The following PHF3 variants were observed in gnomAD, a reference collection of about 807,000 sequenced individuals.
PHF3 encodes PHD finger protein 3.
PHF3 carries 41 observed loss-of-function variants against 178.4 expected under a neutral mutation model. That is an observed-to-expected ratio of 0.23 (90% CI 0.18 to 0.30). The LOEUF (loss-of-function observed/expected upper bound fraction) is 0.30, where lower values mean the gene tolerates loss of function less well. Ranked by LOEUF, PHF3 falls within the 10% of genes least tolerant of loss-of-function variation. PHF3 has a pLI of 1.00. For missense variants in PHF3, 2,346 were observed against 2,398.1 expected, an observed-to-expected ratio of 0.98 and a Z score of 0.45; for synonymous variants, 842 against 800.5, an observed-to-expected ratio of 1.05 and a Z score of -0.88.
chr6:63,649,763 C>G (rs1370052682), intron 2 of PHF3, among the ~76,000 whole-genome samples: 2 of 152,180 alleles, frequency 1.3e-5, no homozygotes, highest in Non-Finnish European at 2.9e-5. Context: ...ATTACTTCAT[C>G]TAATTGTAGT....
At chr6:63,699,650 G>C (rs1767388469) in intron 8 of PHF3, among the ~76,000 whole-genome samples, 1 of 152,028 alleles carries the variant, frequency 6.6e-6, no homozygotes, top group African/African-American at 2.4e-5. Context: ...GGAGTGCAGT[G>C]GCGCCATCTC....
chr6:63,660,916 A>G (rs925557795), intron 2 of PHF3, among the ~76,000 whole-genome samples: 7 of 152,204 alleles, frequency 4.6e-5, no homozygotes. Flanking sequence ...GCATCTGTAT[A>G]GGCATATCTG....
At chr6:63,660,577 A>T (rs1462613301) in intron 2 of PHF3, among the ~76,000 whole-genome samples, 1 of 152,148 alleles carries the variant, frequency 6.6e-6, no homozygotes, top group Non-Finnish European at 1.5e-5. Context: ...TTAGTATAGA[A>T]ATAATTTTTC....
At chr6:63,663,421 T>A (rs1274538727) in intron 2 of PHF3, among the ~76,000 whole-genome samples, 1 of 152,172 alleles carries the variant, frequency 6.6e-6, no homozygotes, top group Non-Finnish European at 1.5e-5. Flanking sequence ...CTTGTTTTTT[T>A]AGAGAAGTAG....
At chr6:63,682,280 A>T (rs1766472233) in intron 3 of PHF3, among the ~76,000 whole-genome samples, 1 of 152,120 alleles carries the variant, frequency 6.6e-6, no homozygotes, top group Non-Finnish European at 1.5e-5. Context: ...ATCTGTCTTC[A>T]TTCCCACTTT....
At position 63,712,053 on chromosome 6, in the gene PHF3, G is replaced by A. The variant is rs775749347; in HGVS notation, c.4465G>A (p.Glu1489Lys). 2 of 1,613,692 alleles carry A rather than the reference G, an allele frequency of 1.2e-6. No individual in the cohort carries two copies. The highest frequency in any genetic ancestry group is 1.1e-5 in the South Asian group (1 of 91,076). The change falls in exon 16 of 16, where the codon GAA becomes AAA. Residue 1489 changes from glutamate (E) to lysine (K), a missense_variant. This residue lies in a region of PHF3 where 839 missense variants were observed against 806.9 expected (regional missense o/e 1.04). Transcript: ENST00000262043. ...QVYDQAQSVM[E>K]QNTVKEIPFL... ...ATATGACCAGGCCCAGTCAGTGATG[G>A]AACAAAACACTGTTAAAGAAATTCC...
At chr6:63,647,602 T>A (rs114878222) in intron 2 of PHF3, among the ~76,000 whole-genome samples, 2,397 of 152,340 alleles carry the variant, frequency 0.016, 30 homozygotes, top group Non-Finnish European at 0.027. Flanking sequence ...TACATATGTG[T>A]CTTATATTTC....
rs1472662642 is a variant in PHF3, at chr6:63,716,946, C to T, written c.*3238C>T. Among the ~76,000 whole-genome samples, 1 of 152,008 alleles carries T rather than the reference C, an allele frequency of 6.6e-6. No homozygotes were observed. The highest frequency in any genetic ancestry group is 1.5e-5 in the Non-Finnish European group (1 of 67,970). On this transcript the variant is annotated 3_prime_UTR_variant, in exon 16 of 16. Transcript: ENST00000262043. The stretch of plus-strand genomic sequence containing the variant: ...CCTTAATTCCCTATTCCCATGTAAC[C>T]TAACATATTTACAGGTGTTCCAAGG...
intron 14 of PHF3, 108 bp downstream of exon 14, chr6:63,709,348 C>G (rs1767827886): frequency 3.9e-6 from 3 of 765,234 alleles, no homozygotes; most frequent in Non-Finnish European, 6.7e-6. Flanking sequence ...GGAGGCAATA[C>G]ACATTTTAAG....
intron 2 of PHF3, among the ~76,000 whole-genome samples, chr6:63,649,442 A>G (rs1270179407): frequency 6.6e-6 from 1 of 152,186 alleles, no homozygotes; most frequent in East Asian, 1.9e-4. Flanking sequence ...CCTTAGACCA[A>G]TGAAAGCTAT....
At position 63,695,236 on chromosome 6, in the gene PHF3, A is replaced by G. The variant is rs1415678210; in HGVS notation, c.2680+472A>G. On this transcript the variant is annotated intron_variant, in intron 6 of 15. Transcript: ENST00000262043. ...CAAATCTTAAGGCTTTGTGGTAGAAAGAAGTGTGGCATTTGAGGAGCAAGA... is the reference window on the plus strand; with the variant it reads ...CAAATCTTAAGGCTTTGTGGTAGAAGGAAGTGTGGCATTTGAGGAGCAAGA... Among the ~76,000 whole-genome samples, 4 of 152,204 alleles carry G rather than the reference A, an allele frequency of 2.6e-5. No homozygotes were observed. In the East Asian group the frequency reaches 7.7e-4, roughly 29 times the overall value.
At chr6:63,683,338 A>C (rs531242813) in intron 3 of PHF3, among the ~76,000 whole-genome samples, 2 of 151,952 alleles carry the variant, frequency 1.3e-5, no homozygotes, top group Non-Finnish European at 2.9e-5. Context: ...CTTTCTTTTT[A>C]GCTCTTTTCA....
rs1768425970 is a variant in PHF3, at chr6:63,722,198, G to C, written c.*8490G>C. Reference sequence around the variant, plus strand: ...CTGTCTCTCCAACCTTACCTGGAATGTTCTCTTTCCCCATCCTTACACTCT... The same window carrying C: ...CTGTCTCTCCAACCTTACCTGGAATCTTCTCTTTCCCCATCCTTACACTCT... On this transcript the variant is annotated 3_prime_UTR_variant, in exon 16 of 16. Transcript: ENST00000262043. Among the ~76,000 whole-genome samples, 1 of 152,050 alleles carries C rather than the reference G, an allele frequency of 6.6e-6. No individual in the cohort carries two copies. Among genetic ancestry groups the C allele is most frequent in the Non-Finnish European group, 1.5e-5 (1 of 68,014 alleles).
intron 1 of PHF3, among the ~76,000 whole-genome samples, chr6:63,637,125 CG>C (rs1554145495): frequency 6.6e-6 from 1 of 152,068 alleles, no homozygotes; most frequent in Non-Finnish European, 1.5e-5. Context: ...TTACATGTAG[CG>C]ATATTTAATT....
At chr6:63,641,330 A>G (rs1316123433) in intron 1 of PHF3, among the ~76,000 whole-genome samples, 1 of 152,134 alleles carries the variant, frequency 6.6e-6, no homozygotes, top group Non-Finnish European at 1.5e-5. Context: ...CCAATCCCCC[A>G]TCACCACCAC....
chr6:63,655,322 C>T (rs1040059289), intron 2 of PHF3, among the ~76,000 whole-genome samples: 1 of 152,134 alleles, frequency 6.6e-6, no homozygotes, highest in Non-Finnish European at 1.5e-5. Flanking sequence ...GGTGATCCAC[C>T]TGCGTTGGCT....
At chr6:63,654,888 CCTT>C (rs1227305279) in intron 2 of PHF3, among the ~76,000 whole-genome samples, 2 of 116,276 alleles carry the variant, frequency 1.7e-5, no homozygotes, top group African/African-American at 7.1e-5. Flanking sequence ...TATTAGGTGA[CCTT>C]TTTTTTTTTT....
At chr6:63,691,148 C>G (rs1394645974) in intron 4 of PHF3, among the ~76,000 whole-genome samples, 1 of 152,094 alleles carries the variant, frequency 6.6e-6, no homozygotes, top group Non-Finnish European at 1.5e-5. Flanking sequence ...ACACCATGAA[C>G]CAGAATATTT....
intron 15 of PHF3, 28 bp from the exon 16 acceptor site, chr6:63,711,558 A>T: frequency 6.6e-7 from 1 of 1,523,896 alleles, no homozygotes; most frequent in Non-Finnish European, 8.8e-7. Context: ...AAAATGATGA[A>T]TTAATTGATG....
Sources: gnomAD v4.1 joint callset for allele counts (sites outside exome capture counted in the v4.1 genomes callset) on GRCh38, gnomAD v4.1.1 for gene constraint, gnomAD v4.1.1 regional missense constraint, MANE v1.5 for transcripts, NCBI Gene and HGNC (gene_info 2026-07-23, HGNC 2026-07-21) for gene names.